The following MRPL13 variants were observed in gnomAD, a reference collection of about 807,000 sequenced individuals.
The protein encoded by MRPL13 is mitochondrial ribosomal protein L13.
A neutral mutation model predicts 29.0 loss-of-function variants in MRPL13; 33 were observed. The observed-to-expected ratio is 1.14, with a 90% confidence interval of 0.86 to 1.52. MRPL13 has a LOEUF of 1.52. Among genes scored for constraint, MRPL13 ranks in the 40% most tolerant of loss-of-function variants. MRPL13 has a pLI of 0.00. For missense variants in MRPL13, 227 were observed against 216.7 expected, an observed-to-expected ratio of 1.05 and a Z score of -0.30; for synonymous variants, 77 against 68.4, an observed-to-expected ratio of 1.13 and a Z score of -0.62.
At chr8:120,414,707 G>T (rs998312298) in intron 5 of MRPL13, 1 of 152,158 alleles carries the variant, frequency 6.6e-6, no homozygotes, top group Admixed American at 6.6e-5. Flanking sequence ...GTTACCACTA[G>T]TCCACCTCTC....
At chr8:120,414,227 A>G (rs543780906) in intron 5 of MRPL13, 115 bp from the exon 6 acceptor site, 7 of 826,738 alleles carry the variant, frequency 8.5e-6, no homozygotes, top group Admixed American at 4.3e-5. Flanking sequence ...TAGAATAAGG[A>G]AAACATAAAA....
intron 2 of MRPL13, among the ~76,000 whole-genome samples, chr8:120,441,627 A>C (rs1216411340): frequency 6.6e-6 from 1 of 152,236 alleles, no homozygotes; most frequent in African/African-American, 2.4e-5. Context: ...TTAAGAGATT[A>C]AAGGAACATA....
At chr8:120,426,056 A>G (rs910935907) in intron 3 of MRPL13, among the ~76,000 whole-genome samples, 1 of 152,158 alleles carries the variant, frequency 6.6e-6, no homozygotes, top group African/African-American at 2.4e-5. Context: ...ACCTCTCTGC[A>G]TATAATTTTA....
At position 120,443,175 on chromosome 8, in the gene MRPL13, TA is replaced by T; in HGVS notation, c.151+9del. 6.5e-7 allele frequency: 1 copy of T among 1,530,968 alleles called. No individual in the cohort carries two copies. Among genetic ancestry groups the T allele is most frequent in the South Asian group, 1.3e-5 (1 of 76,076 alleles). The allele number at this position is 1,530,968 out of a possible 1,614,324, so 94.8% of individuals were successfully genotyped here. A position where few individuals can be genotyped will look rare whatever the true frequency, so the allele number is the denominator to read the frequency against. On this transcript the variant is annotated intron_variant, in intron 2 of 6. Transcript: ENST00000306185. ...ACAGTGGTTAATGACAGGTCTAAAA[TA>T]ATACTTACTCAGTGCATGGTACACA...
intron 5 of MRPL13, among the ~76,000 whole-genome samples, chr8:120,418,425 T>C (rs117765850): frequency 6.6e-6 from 1 of 152,190 alleles, no homozygotes; most frequent in Non-Finnish European, 1.5e-5. Context: ...TTTCATTATA[T>C]GTTACCTAAT....
In MRPL13 at chr8:120,435,967, T is replaced by C. The variant is rs145896499; in HGVS notation, c.152-3844A>G. 2.0e-5 allele frequency among the ~76,000 whole-genome samples: 3 copies of C among 152,190 alleles called. No individual in the cohort carries two copies. In the East Asian group the frequency reaches 5.8e-4, roughly 29 times the overall value. On this transcript the variant is annotated intron_variant, in intron 2 of 6. Coordinates refer to ENST00000306185, the MANE Select transcript of MRPL13 (RefSeq NM_014078.6). ...TATGTATGTCCTTTGCCCACTTTTT[T>C]ATAGGGTTGTTTTTTGCTTGTAAAT...
At chr8:120,428,938 G>A (rs1486084925) in intron 3 of MRPL13, among the ~76,000 whole-genome samples, 2 of 152,124 alleles carry the variant, frequency 1.3e-5, no homozygotes, top group Non-Finnish European at 2.9e-5. Flanking sequence ...ACAGTGTGGC[G>A]ATTCCTCAAA....
intron 2 of MRPL13, among the ~76,000 whole-genome samples, chr8:120,441,252 T>C (rs1813120362): frequency 6.6e-6 from 1 of 152,114 alleles, no homozygotes; most frequent in Non-Finnish European, 1.5e-5. Context: ...ATTTGCTTAA[T>C]AGAAATGTGT....
intron 6 of MRPL13, among the ~76,000 whole-genome samples, chr8:120,399,267 G>GTT (rs1812560607): frequency 6.6e-6 from 1 of 152,166 alleles, no homozygotes; most frequent in Admixed American, 6.5e-5. Flanking sequence ...CACCTACGAA[G>GTT]AGAAACCAGT....
intron 6 of MRPL13, among the ~76,000 whole-genome samples, chr8:120,398,946 C>T (rs899585695): frequency 2.6e-5 from 4 of 151,940 alleles, no homozygotes; most frequent in African/African-American, 9.7e-5. Flanking sequence ...AACACACACA[C>T]ACACACACAG....
intron 2 of MRPL13, among the ~76,000 whole-genome samples, chr8:120,441,598 A>G (rs778383457): frequency 2.6e-5 from 4 of 152,234 alleles, no homozygotes; most frequent in Non-Finnish European, 5.9e-5. Flanking sequence ...GAAGAAAATA[A>G]AAGAAGGATT....
rs202211945 is a variant in MRPL13 at position 120,445,024 on chromosome 8, G to T, written c.27+44C>A. The T allele has an allele frequency of 1.2e-4, 187 of 1,613,402 alleles. 1 individual carries two copies. The South Asian group carries it at 1.3e-3, about 11-fold the overall frequency. On this transcript the variant is annotated intron_variant, in intron 1 of 6. Transcript: ENST00000306185. ...CTGCCGGAACCAACGCTCTCCTTCTGCCAGTATAATGAACCCCATCAAGCC... is the reference window on the plus strand; with the variant it reads ...CTGCCGGAACCAACGCTCTCCTTCTTCCAGTATAATGAACCCCATCAAGCC...
At chr8:120,441,304 A>G (rs1354757417) in intron 2 of MRPL13, among the ~76,000 whole-genome samples, 1 of 152,168 alleles carries the variant, frequency 6.6e-6, no homozygotes, top group Non-Finnish European at 1.5e-5. Flanking sequence ...AAAACTGGAG[A>G]TTTAAATTTG....
At chr8:120,413,866 T>C in intron 6 of MRPL13, 125 bp downstream of exon 6, 1 of 1,225,808 alleles carries the variant, frequency 8.2e-7, no homozygotes, top group Non-Finnish European at 1.1e-6. Context: ...TAGTAGCTGC[T>C]GAGTTCCCAG....
chr8:120,424,400 T>C (rs1468883605), intron 4 of MRPL13, among the ~76,000 whole-genome samples: 1 of 152,062 alleles, frequency 6.6e-6, no homozygotes, highest in African/African-American at 2.4e-5. Context: ...AATAGGAAGA[T>C]TGCTTGAGCC....
At chr8:120,437,340 A>T (rs946326646) in intron 2 of MRPL13, among the ~76,000 whole-genome samples, 3 of 152,192 alleles carry the variant, frequency 2.0e-5, no homozygotes, top group African/African-American at 7.2e-5. Flanking sequence ...CATAGCATTA[A>T]TTTTTATAAA....
At chr8:120,424,439 T>C (rs932458239) in intron 4 of MRPL13, among the ~76,000 whole-genome samples, 3 of 151,832 alleles carry the variant, frequency 2.0e-5, no homozygotes, top group Non-Finnish European at 4.4e-5. Context: ...CTGGGCAACA[T>C]AGCAAGATCC....
At chr8:120,422,179 T>C (rs913353505) in intron 4 of MRPL13, among the ~76,000 whole-genome samples, 2 of 151,816 alleles carry the variant, frequency 1.3e-5, no homozygotes, top group East Asian at 3.9e-4. Flanking sequence ...AAGAAAATTT[T>C]AGGCAGTATT....
chr8:120,422,222 A>T (rs996109903), intron 4 of MRPL13, among the ~76,000 whole-genome samples: 3 of 151,782 alleles, frequency 2.0e-5, no homozygotes, highest in Admixed American at 2.0e-4. Flanking sequence ...CTGACAATAG[A>T]TATTTATTTT....
Sources: allele counts gnomAD v4.1 joint callset (sites outside exome capture counted in the v4.1 genomes callset), GRCh38; gene constraint gnomAD v4.1.1; transcripts MANE v1.5; gene names NCBI Gene and HGNC (gene_info 2026-07-23, HGNC 2026-07-21).